Variants in CHCHD3 observed in about 807,000 individuals in gnomAD.
The protein encoded by CHCHD3 is MICOS complex subunit MIC19.
CHCHD3 carries 20 observed loss-of-function variants against 38.2 expected under a neutral mutation model. The ratio of observed to expected loss-of-function variants is 0.52; its 90% CI spans 0.37 to 0.76. The LOEUF is 0.76. Ranked by LOEUF, CHCHD3 falls within the 30% of genes least tolerant of loss-of-function variation. CHCHD3 has a pLI of 0.00. For synonymous variants in CHCHD3, 82 were observed against 100.0 expected (o/e 0.82, Z 1.07); for missense variants, 245 against 279.2 (o/e 0.88, Z 0.87).
chr7:132,840,297 C>G (rs1048846802), intron 5 of CHCHD3, among the ~76,000 whole-genome samples: 1 of 152,222 alleles, frequency 6.6e-6, no homozygotes, highest in African/African-American at 2.4e-5. Flanking sequence ...AGTTACTAAT[C>G]ACTAACAATA....
In CHCHD3 at chr7:132,841,552, T is replaced by C. The variant is rs573478542; in HGVS notation, c.454-3083A>G. Among the ~76,000 whole-genome samples the C allele has an allele frequency of 6.6e-5, 10 of 152,198 alleles. No individual in the cohort carries two copies. In the South Asian group the frequency reaches 2.1e-3, roughly 32 times the overall value. On this transcript the variant is annotated intron_variant, in intron 5 of 7. Transcript: ENST00000262570. ...AGTAAAGGAATGAATTAGACAAACA[T>C]GCAGAGCAAAAAAGTGGTAGATCTG...
chr7:132,948,533 T>C (rs994390878), intron 4 of CHCHD3, among the ~76,000 whole-genome samples: 1 of 152,110 alleles, frequency 6.6e-6, no homozygotes, highest in African/African-American at 2.4e-5. Flanking sequence ...TTTTAAACAA[T>C]TCATGTGAAA....
intron 6 of CHCHD3, among the ~76,000 whole-genome samples, chr7:132,799,007 CTG>C (rs58508838): frequency 0.11 from 15,843 of 145,130 alleles, 905 homozygotes; most frequent in South Asian, 0.16. Context: ...GTGATCTGTT[CTG>C]TGTGTGTGTG....
In CHCHD3 at chr7:133,021,815, G is replaced by T. The variant is rs180896793; in HGVS notation, c.251+2731C>A. Among the ~76,000 whole-genome samples the T allele has an allele frequency of 1.3e-4, 20 of 152,164 alleles. No individual in the cohort carries two copies. In the East Asian group the frequency reaches 2.9e-3, roughly 22 times the overall value. On this transcript the variant is annotated intron_variant, in intron 3 of 7. Transcript: ENST00000262570. ...AAATTTCCATTTAAATGCCAGGCAC[G>T]GTGGCTCATGCCTGTAATCCCAGCA...
rs372374264 is a variant in CHCHD3 at position 133,036,712 on chromosome 7, G to A, written c.170-12085C>T. ...AGGTTTCTCTTGAAGATGAAATGCC[G>A]TAGAATGAGGAGGTATTTTCAGGTC... On this transcript the variant is annotated intron_variant, in intron 2 of 7. Transcript: ENST00000262570. 9.9e-5 allele frequency among the ~76,000 whole-genome samples: 15 copies of A among 152,246 alleles called. No individual in the cohort carries two copies. In the South Asian group the frequency reaches 1.5e-3, roughly 15 times the overall value.
chr7:132,970,111 T>C (rs1811575731), intron 4 of CHCHD3, among the ~76,000 whole-genome samples: 1 of 152,144 alleles, frequency 6.6e-6, no homozygotes, highest in South Asian at 2.1e-4. Flanking sequence ...ACACACCCAC[T>C]TAAAGAACAG....
chr7:133,077,200 A>C (rs897324855), intron 1 of CHCHD3, among the ~76,000 whole-genome samples: 1 of 152,200 alleles, frequency 6.6e-6, no homozygotes, highest in Admixed American at 6.5e-5. Context: ...AATCCTAGAT[A>C]ACTTAAGATG....
intron 3 of CHCHD3, among the ~76,000 whole-genome samples, chr7:132,982,564 C>G (rs968993059): frequency 6.6e-6 from 1 of 152,172 alleles, no homozygotes; most frequent in Non-Finnish European, 1.5e-5. Flanking sequence ...GGATTACAGG[C>G]GAAAGCCACC....
intron 5 of CHCHD3, among the ~76,000 whole-genome samples, chr7:132,855,356 A>G (rs1290605204): frequency 6.6e-6 from 1 of 152,174 alleles, no homozygotes; most frequent in East Asian, 1.9e-4. Context: ...CTTTTCATCA[A>G]TTTTAGCACA....
intron 1 of CHCHD3, among the ~76,000 whole-genome samples, chr7:133,076,052 CTAT>C (rs1814981132): frequency 1.1e-5 from 1 of 90,620 alleles, no homozygotes; most frequent in East Asian, 3.4e-4. Flanking sequence ...GAATGAGATT[CTAT>C]CTCAAAAAAA....
Position 133,035,930 on chromosome 7 carries a change from G to T in CHCHD3, c.170-11303C>A, listed in dbSNP as rs777384414. On this transcript the variant is annotated intron_variant, in intron 2 of 7. Transcript: ENST00000262570. The surrounding 1 kb of genome is among the most constrained non-coding windows in gnomAD (Gnocchi z 4.7). ...GGGTCCCAGCCGCCATGGTGATTCC[G>T]CAAAGAAAGGCTGGATCCAGTCTTA... is the stretch of plus-strand genomic sequence containing the variant. 5 of 1,546,674 alleles carry T rather than the reference G, an allele frequency of 3.2e-6. No homozygotes were observed. The highest frequency in any genetic ancestry group is 1.7e-4 in the Middle Eastern group (1 of 5,968).
intron 2 of CHCHD3, among the ~76,000 whole-genome samples, chr7:133,048,954 A>C (rs1024341829): frequency 2.0e-5 from 3 of 152,236 alleles, no homozygotes; most frequent in Non-Finnish European, 2.9e-5. Context: ...ATTTAAAAGT[A>C]CCAGGCATCT....
intron 6 of CHCHD3, among the ~76,000 whole-genome samples, chr7:132,825,112 G>A (rs754632898): frequency 2.0e-5 from 3 of 152,070 alleles, no homozygotes; most frequent in African/African-American, 4.8e-5. Flanking sequence ...CTGAGGGCAG[G>A]GACTCAAACT....
At position 133,035,730 on chromosome 7, in the gene CHCHD3, T is replaced by A. The variant is rs958165764; in HGVS notation, c.170-11103A>T. 126 of 1,613,264 alleles carry A rather than the reference T, an allele frequency of 7.8e-5. No homozygotes were observed. The highest frequency in any genetic ancestry group is 9.9e-5 in the Non-Finnish European group (117 of 1,179,424). On this transcript the variant is annotated intron_variant, in intron 2 of 7. Coordinates refer to ENST00000262570, the MANE Select transcript of CHCHD3 (RefSeq NM_017812.4). The surrounding 1 kb of genome is among the most constrained non-coding windows in gnomAD (Gnocchi z 4.7). ...GCTCTCAAACACACAGAATCCATCA[T>A]CACCCTCAAATGCTGGGACCTTGCC...
chr7:132,851,650 G>T (rs566287788), intron 5 of CHCHD3, among the ~76,000 whole-genome samples: 11 of 152,286 alleles, frequency 7.2e-5, no homozygotes, highest in African/African-American at 2.6e-4. Context: ...AATTTACTGT[G>T]ATGTCTTGCA....
intron 4 of CHCHD3, among the ~76,000 whole-genome samples, chr7:132,901,666 G>GT (rs1174260907): frequency 6.6e-6 from 1 of 152,150 alleles, no homozygotes; most frequent in East Asian, 1.9e-4. Context: ...GGGGTTGATT[G>GT]TTTTTTTCTT....
chr7:132,955,542 G>GTTT (rs112242604), intron 4 of CHCHD3, among the ~76,000 whole-genome samples: 4 of 135,928 alleles, frequency 2.9e-5, no homozygotes, highest in African/African-American at 1.1e-4. Flanking sequence ...GGGGTTTTTT[G>GTTT]TTTTTTTTTT....
chr7:132,815,663 G>A lies in CHCHD3; in HGVS notation c.525-19086C>T, dbSNP rs1389318680. On this transcript the variant is annotated intron_variant, in intron 6 of 7. Coordinates refer to ENST00000262570, the MANE Select transcript of CHCHD3 (RefSeq NM_017812.4). ...GGAAAAAAAGTGAAAAGAGAACAGA[G>A]AAAAGATATGAAAATTGCATTATAC... 1.1e-5 allele frequency: 5 copies of A among 449,858 alleles called. No homozygotes were observed. In the East Asian group the frequency reaches 3.5e-4, roughly 31 times the overall value. The allele number at this position is 449,858 out of a possible 1,614,324, so 27.9% of individuals were successfully genotyped here. A position where few individuals can be genotyped will look rare whatever the true frequency, so the allele number is the denominator to read the frequency against.
intron 1 of CHCHD3, among the ~76,000 whole-genome samples, chr7:133,077,363 T>C (rs1012013329): frequency 5.3e-5 from 8 of 152,218 alleles, no homozygotes; most frequent in African/African-American, 1.4e-4. Context: ...TAATACCGCA[T>C]ATTAAGTAAT....
Sources: allele counts gnomAD v4.1 joint callset (sites outside exome capture counted in the v4.1 genomes callset), GRCh38; gene constraint gnomAD v4.1.1; non-coding constraint Gnocchi (gnomAD v3.1); transcripts MANE v1.5; gene names NCBI Gene and HGNC (gene_info 2026-07-23, HGNC 2026-07-21).